LRGUK: variants seen among roughly 807,000 people sequenced by gnomAD.
LRGUK encodes leucine rich repeats and guanylate kinase domain containing, also known as leucine-rich repeat and guanylate kinase domain-containing protein.
A neutral mutation model predicts 76.0 loss-of-function variants in LRGUK; 65 were observed. The ratio of observed to expected loss-of-function variants is 0.85; its 90% CI spans 0.70 to 1.05. LRGUK has a LOEUF of 1.05. Ranked by LOEUF, LRGUK falls within the 50% of genes least tolerant of loss-of-function variation. The probability of loss-of-function intolerance (pLI) is 0.00; values close to 1 mark genes in which losing one functional copy is unlikely to be tolerated. For missense variants in LRGUK, 758 were observed against 732.8 expected, an observed-to-expected ratio of 1.03 and a Z score of -0.40; for synonymous variants, 268 against 265.6, an observed-to-expected ratio of 1.01 and a Z score of -0.09.
chr7:134,217,284 T>C (rs893206056), intron 15 of LRGUK, among the ~76,000 whole-genome samples: 1 of 152,098 alleles, frequency 6.6e-6, no homozygotes, highest in African/African-American at 2.4e-5. Flanking sequence ...TGAAGTTTAC[T>C]GGAAAAGAAC....
At chr7:134,166,499 C>T (rs1414613670) in intron 7 of LRGUK, among the ~76,000 whole-genome samples, 1 of 152,150 alleles carries the variant, frequency 6.6e-6, no homozygotes, top group Non-Finnish European at 1.5e-5. Flanking sequence ...TCTTACTTCT[C>T]TAAGTCTCAG....
chr7:134,136,983 G>C, intron 1 of LRGUK, 40 bp from the exon 2 acceptor site: 1 of 1,425,874 alleles, frequency 7.0e-7, no homozygotes, highest in Non-Finnish European at 9.8e-7. Flanking sequence ...CTTTTCTAAT[G>C]AGAATCTTTT....
chr7:134,230,780 G>A (rs1387717130), intron 16 of LRGUK, among the ~76,000 whole-genome samples: 1 of 152,090 alleles, frequency 6.6e-6, no homozygotes, highest in Non-Finnish European at 1.5e-5. Flanking sequence ...TTTAAAACAG[G>A]CAATATTAAA....
At chr7:134,213,497 T>C (rs1031552483), downstream of LRGUK, among the ~76,000 whole-genome samples, 1 of 152,074 alleles carries the variant, frequency 6.6e-6, no homozygotes, top group East Asian at 1.9e-4. Flanking sequence ...CACTTTAGAG[T>C]TGTCCGTGTC....
chr7:134,207,405 T>C lies in LRGUK; in HGVS notation c.1844-1302T>C, dbSNP rs186684971. On this transcript the variant is annotated intron_variant, in intron 15 of 15. Transcript: ENST00000645682. ...ATATTTTCACAGTTTTATTTTTCAATTTAACCTTGTTTCTTGTCTAAGCTA... is the reference window on the plus strand; with the variant it reads ...ATATTTTCACAGTTTTATTTTTCAACTTAACCTTGTTTCTTGTCTAAGCTA... 2.5e-4 allele frequency among the ~76,000 whole-genome samples: 38 copies of C among 152,356 alleles called. No individual in the cohort carries two copies. The East Asian group carries it at 4.6e-3, about 19-fold the overall frequency.
At chr7:134,139,571 T>A (rs1173317047) in intron 3 of LRGUK, 54 bp downstream of exon 3, 8 of 1,147,736 alleles carry the variant, frequency 7.0e-6, no homozygotes, top group Non-Finnish European at 1.0e-5. Flanking sequence ...ACTTAAACGT[T>A]GCAGTATGTA....
chr7:134,137,107 G>A (rs749830672), exon 2 of LRGUK: 3 of 1,612,318 alleles, frequency 1.9e-6, no homozygotes, highest in Admixed American at 1.7e-5. Flanking sequence ...GACTGAGCAA[G>A]TCTACCTCAA....
chr7:134,225,058 GA>G (rs111572160), intron 16 of LRGUK, among the ~76,000 whole-genome samples: 5,423 of 55,294 alleles, frequency 0.098, 339 homozygotes, highest in African/African-American at 0.27. Flanking sequence ...ATCTCAAAAA[GA>G]AAAAAAAAAA....
chr7:134,164,663 A>G (rs1378984166), intron 7 of LRGUK, among the ~76,000 whole-genome samples: 1 of 152,178 alleles, frequency 6.6e-6, no homozygotes, highest in African/African-American at 2.4e-5. Flanking sequence ...TGAAAGGGAC[A>G]GTTGGTGCCA....
At chr7:134,270,513 A>G in the LRGUK span, among the ~76,000 whole-genome samples, 2 of 152,064 alleles carry the variant, frequency 1.3e-5, no homozygotes, top group Non-Finnish European at 1.5e-5. Context: ...CCCTGATGTA[A>G]CCATTATTCT....
intron 16 of LRGUK, among the ~76,000 whole-genome samples, chr7:134,229,798 A>C (rs1801849923): frequency 1.3e-5 from 2 of 152,242 alleles, no homozygotes; most frequent in African/African-American, 4.8e-5. Flanking sequence ...ACTGCTGAGC[A>C]GCAGGAAAGT....
At chr7:134,231,296 G>C (rs1405905480) in intron 16 of LRGUK, among the ~76,000 whole-genome samples, 4 of 152,148 alleles carry the variant, frequency 2.6e-5, no homozygotes. Context: ...AGTGTCTGTG[G>C]TCTGTGATAG....
At chr7:134,140,516 A>ATTTGAAG (rs1213122290) in intron 3 of LRGUK, among the ~76,000 whole-genome samples, 3 of 152,080 alleles carry the variant, frequency 2.0e-5, no homozygotes, top group Non-Finnish European at 4.4e-5. Context: ...TTCTGATCTT[A>ATTTGAAG]TTTGAAGTTG....
At chr7:134,189,192 C>T (rs1043685246) in intron 11 of LRGUK, among the ~76,000 whole-genome samples, 1 of 152,020 alleles carries the variant, frequency 6.6e-6, no homozygotes, top group Admixed American at 6.6e-5. Flanking sequence ...ATTGTGGTTC[C>T]CATTACAAAC....
intron 10 of LRGUK, among the ~76,000 whole-genome samples, chr7:134,180,154 C>G (rs1233648401): frequency 6.6e-6 from 1 of 152,132 alleles, no homozygotes; most frequent in African/African-American, 2.4e-5. Context: ...TGCAAGAAGC[C>G]CCAGTTTTAG....
At chr7:134,148,499 C>T (rs1798071207) in intron 5 of LRGUK, among the ~76,000 whole-genome samples, 180 bp downstream of exon 5, 1 of 152,036 alleles carries the variant, frequency 6.6e-6, no homozygotes, top group Admixed American at 6.6e-5. Context: ...ATTTTATTTA[C>T]CAAGAAATGA....
intron 10 of LRGUK, among the ~76,000 whole-genome samples, chr7:134,180,927 C>G (rs1052348455): frequency 3.3e-5 from 5 of 152,160 alleles, no homozygotes; most frequent in Non-Finnish European, 5.9e-5. Context: ...CTGGTAAGCT[C>G]TAATGTACTT....
chr7:134,184,773 A>T (rs1224122424), intron 11 of LRGUK, among the ~76,000 whole-genome samples: 1 of 152,078 alleles, frequency 6.6e-6, no homozygotes, highest in Non-Finnish European at 1.5e-5. Flanking sequence ...TTTTAACTTT[A>T]ATTTTCCAAA....
At chr7:134,232,662 A>G (rs1005816918) in intron 16 of LRGUK, among the ~76,000 whole-genome samples, 1 of 152,162 alleles carries the variant, frequency 6.6e-6, no homozygotes, top group Non-Finnish European at 1.5e-5. Context: ...GCCCAAGAAT[A>G]TTATTTTTTA....
Sources: gnomAD v4.1 joint callset for allele counts (sites outside exome capture counted in the v4.1 genomes callset) on GRCh38, gnomAD v4.1.1 for gene constraint, MANE v1.5 for transcripts, NCBI Gene and HGNC (gene_info 2026-07-23, HGNC 2026-07-21) for gene names.